Variants in HS6ST3 observed in about 807,000 individuals in gnomAD.
The protein encoded by HS6ST3 is heparan-sulfate 6-O-sulfotransferase 3.
In HS6ST3, 12 loss-of-function variants were observed where a neutral mutation model predicts 36.7. The ratio of observed to expected loss-of-function variants is 0.33; its 90% CI spans 0.21 to 0.53. The LOEUF (loss-of-function observed/expected upper bound fraction) is 0.53, where lower values mean the gene tolerates loss of function less well. HS6ST3 is among the 20% of genes least tolerant of loss of function. The pLI is 0.95. For synonymous variants in HS6ST3, 240 were observed against 257.5 expected (o/e 0.93, Z 0.65); for missense variants, 584 against 640.9 (o/e 0.91, Z 0.96).
chr13:96,363,296 T>C lies in HS6ST3; in HGVS notation c.707+271727T>C, dbSNP rs2055247781. 2.6e-5 allele frequency among the ~76,000 whole-genome samples: 4 copies of C among 151,894 alleles called. No individual in the cohort carries two copies. In the South Asian group the frequency reaches 8.3e-4, roughly 32 times the overall value. The stretch of plus-strand genomic sequence containing the variant: ...TTATGGGGTCTTCCTGTACATTTTT[T>C]TTTTTTTGCAACATTCTGTGAGTCT... On this transcript the variant is annotated intron_variant, in intron 1 of 1. Coordinates refer to ENST00000376705, the MANE Select transcript of HS6ST3 (RefSeq NM_153456.4).
Position 96,261,286 on chromosome 13 carries a change from A to G in HS6ST3, c.707+169717A>G, listed in dbSNP as rs138169687. 7.2e-4 allele frequency among the ~76,000 whole-genome samples: 108 copies of G among 150,104 alleles called. 2 individuals are homozygous for G. Among genetic ancestry groups the G allele is most frequent in the African/African-American group, 2.6e-3 (105 of 41,106 alleles). ...TATATATATATATCCCTAAAAATAT[A>G]TATATACACATATATATGTGAATGA... On this transcript the variant is annotated intron_variant, in intron 1 of 1. Coordinates refer to ENST00000376705, the MANE Select transcript of HS6ST3 (RefSeq NM_153456.4).
At chr13:96,740,414 A>G (rs778401023) in intron 1 of HS6ST3, among the ~76,000 whole-genome samples, 1 of 152,186 alleles carries the variant, frequency 6.6e-6, no homozygotes, top group Admixed American at 6.5e-5. Flanking sequence ...TATTTTATAC[A>G]TTTTTAATCT....
chr13:96,441,908 A>C (rs886808271), intron 1 of HS6ST3, among the ~76,000 whole-genome samples: 3 of 152,212 alleles, frequency 2.0e-5, no homozygotes, highest in African/African-American at 7.2e-5. Context: ...AGAAATTAAT[A>C]AGTGAAAAAA....
intron 1 of HS6ST3, among the ~76,000 whole-genome samples, chr13:96,625,994 G>A (rs1361342695): frequency 1.6e-5 from 2 of 121,706 alleles, no homozygotes; most frequent in Non-Finnish European, 3.4e-5. Context: ...CTGCCACTAC[G>A]CCCGGCTAAT....
chr13:96,727,884 A>G (rs564342128), intron 1 of HS6ST3, among the ~76,000 whole-genome samples: 3 of 152,288 alleles, frequency 2.0e-5, no homozygotes, highest in East Asian at 1.9e-4. Flanking sequence ...TAATTTCCAT[A>G]CAACTTTCAA....
intron 1 of HS6ST3, among the ~76,000 whole-genome samples, chr13:96,653,001 A>G (rs1471059646): frequency 2.0e-5 from 3 of 152,080 alleles, no homozygotes. Context: ...GTTCTCCAAG[A>G]AAATAGAAAT....
intron 1 of HS6ST3, among the ~76,000 whole-genome samples, chr13:96,666,010 A>G (rs2056663245): frequency 6.6e-6 from 1 of 152,148 alleles, no homozygotes; most frequent in Non-Finnish European, 1.5e-5. Flanking sequence ...TCATGGTGCT[A>G]ATAAAGACAT....
chr13:96,218,483 GTC>G (rs902603029), intron 1 of HS6ST3, among the ~76,000 whole-genome samples: 5 of 152,190 alleles, frequency 3.3e-5, no homozygotes, highest in African/African-American at 1.2e-4. Context: ...GCGCTAATCT[GTC>G]TGTTTCCAGG....
chr13:96,576,876 A>C (rs1418310135), intron 1 of HS6ST3, among the ~76,000 whole-genome samples: 1 of 148,296 alleles, frequency 6.7e-6, no homozygotes, highest in Non-Finnish European at 1.5e-5. Context: ...CCCAGGAGGC[A>C]AAGGTTGCAG....
chr13:96,446,089 C>T (rs2055697359), intron 1 of HS6ST3, among the ~76,000 whole-genome samples: 2 of 150,918 alleles, frequency 1.3e-5, no homozygotes. Flanking sequence ...AGGAGAATGG[C>T]GTGAACCCAG....
intron 1 of HS6ST3, among the ~76,000 whole-genome samples, chr13:96,742,821 A>G (rs1876475348): frequency 6.6e-6 from 1 of 152,136 alleles, no homozygotes; most frequent in African/African-American, 2.4e-5. Flanking sequence ...AAGTTTCAGT[A>G]TGAAATTGCA....
At chr13:96,513,965 TG>T (rs994245257) in intron 1 of HS6ST3, among the ~76,000 whole-genome samples, 15 of 151,746 alleles carry the variant, frequency 9.9e-5, no homozygotes, top group South Asian at 6.2e-4. Context: ...GAGTGCAGTG[TG>T]GTTGTAGCGT....
chr13:96,552,576 A>G (rs9584380), intron 1 of HS6ST3, among the ~76,000 whole-genome samples: 14,819 of 152,182 alleles, frequency 0.097, 1,374 homozygotes, highest in African/African-American at 0.25. Context: ...CTCTTGATGC[A>G]AGTCTTGTGG....
chr13:96,824,379 A>G (rs766132508), intron 1 of HS6ST3, among the ~76,000 whole-genome samples: 15 of 152,142 alleles, frequency 9.9e-5, no homozygotes, highest in Non-Finnish European at 1.9e-4. Flanking sequence ...CAGCTTCCTA[A>G]AGCTCTTTAT....
chr13:96,359,035 A>C (rs1201207340), intron 1 of HS6ST3, among the ~76,000 whole-genome samples: 1 of 152,092 alleles, frequency 6.6e-6, no homozygotes, highest in Non-Finnish European at 1.5e-5. Context: ...AAATGAAAAG[A>C]AAAATATAAA....
At chr13:96,635,817 C>A (rs2056547428) in intron 1 of HS6ST3, among the ~76,000 whole-genome samples, 1 of 152,096 alleles carries the variant, frequency 6.6e-6, no homozygotes, top group Non-Finnish European at 1.5e-5. Context: ...CCTCTGGGAG[C>A]CCACACTGGA....
At chr13:96,443,186 AT>A (rs201564288) in intron 1 of HS6ST3, among the ~76,000 whole-genome samples, 1,714 of 151,990 alleles carry the variant, frequency 0.011, 41 homozygotes, top group African/African-American at 0.04. Flanking sequence ...TTGAAAAATG[AT>A]TTTTTTTGTA....
At chr13:96,650,956 C>G (rs578255120) in intron 1 of HS6ST3, among the ~76,000 whole-genome samples, 2 of 152,028 alleles carry the variant, frequency 1.3e-5, no homozygotes, top group Non-Finnish European at 2.9e-5. Flanking sequence ...TTCTGACATG[C>G]CCTCTCTAAT....
intron 1 of HS6ST3, among the ~76,000 whole-genome samples, chr13:96,738,824 C>T (rs1420141512): frequency 6.6e-6 from 1 of 152,134 alleles, no homozygotes; most frequent in Non-Finnish European, 1.5e-5. Context: ...ATCTCTTGAT[C>T]ATATTTCACC....
Sources: gnomAD v4.1 joint callset for allele counts (sites outside exome capture counted in the v4.1 genomes callset) on GRCh38, gnomAD v4.1.1 for gene constraint, MANE v1.5 for transcripts, NCBI Gene and HGNC (gene_info 2026-07-23, HGNC 2026-07-21) for gene names.